CENPI: variants seen among roughly 807,000 people sequenced by gnomAD.
The protein encoded by CENPI is centromere protein I.
In CENPI, 4 loss-of-function variants were observed where a neutral mutation model predicts 60.4. That is an observed-to-expected ratio of 0.07 (90% CI 0.03 to 0.15). The LOEUF is 0.15. Among genes scored for constraint, CENPI ranks in the 10% least tolerant of loss-of-function variants. The pLI is 1.00. For synonymous variants in CENPI, 157 were observed against 189.4 expected, an observed-to-expected ratio of 0.83 and a Z score of 1.40; for missense variants, 444 against 534.5, an observed-to-expected ratio of 0.83 and a Z score of 1.67.
chrX:101,137,741 AAGG>A (rs1413863508), intron 15 of CENPI, among the ~76,000 whole-genome samples: 1 of 107,327 alleles, frequency 9.3e-6, no homozygotes, highest in Non-Finnish European at 1.9e-5. Context: ...CCAATATTTG[AAGG>A]ATTGTTACAT....
At chrX:101,139,548 C>T (rs1439838857) in intron 15 of CENPI, among the ~76,000 whole-genome samples, 1 of 112,282 alleles carries the variant, frequency 8.9e-6, no homozygotes, top group East Asian at 2.8e-4. Context: ...AGACTATTGT[C>T]TTAGATGATT....
chrX:101,115,198 A>G (rs765521705), intron 6 of CENPI, among the ~76,000 whole-genome samples: 2 of 110,582 alleles, frequency 1.8e-5, no homozygotes, highest in African/African-American at 6.6e-5. Context: ...CTCTGACCTC[A>G]GGTAATCCGC....
intron 20 of CENPI, among the ~76,000 whole-genome samples, chrX:101,159,019 C>T (rs897886456): frequency 4.5e-5 from 5 of 111,428 alleles, no homozygotes; most frequent in African/African-American, 1.6e-4. Context: ...GTGGCTACTG[C>T]TGAAGTCTAG....
At position 101,163,171 on chromosome X, in the gene CENPI, A is replaced by G. The variant is rs2090125564; in HGVS notation, c.*204A>G. 1 of 367,266 alleles carries G rather than the reference A, an allele frequency of 2.7e-6. No homozygotes were observed. Among genetic ancestry groups the G allele is most frequent in the Non-Finnish European group, 4.6e-6 (1 of 215,854 alleles). 30.3% of individuals were successfully genotyped at this position (367,266 alleles called of 1,213,427 possible). ...AAAATTTAGATTTTTTTAGCCTACC[A>G]GTGAAAAATGACCCCTTCATCATCA... On this transcript the variant is annotated 3_prime_UTR_variant, in exon 22 of 22. Coordinates refer to ENST00000682095, the MANE Select transcript of CENPI (RefSeq NM_001386188.2).
At chrX:101,143,400 G>T (rs1250094982) in intron 16 of CENPI, among the ~76,000 whole-genome samples, 3 of 111,768 alleles carry the variant, frequency 2.7e-5, no homozygotes, top group African/African-American at 9.7e-5. Flanking sequence ...TACTGTAAGA[G>T]ACTCCATTCA....
intron 20 of CENPI, among the ~76,000 whole-genome samples, chrX:101,152,243 T>G (rs1410041211): frequency 8.2e-5 from 9 of 109,149 alleles, no homozygotes; most frequent in Admixed American, 3.0e-4. Context: ...TTTTGTATTT[T>G]TAGTAGAGAC....
the CENPI span, among the ~76,000 whole-genome samples, chrX:101,180,865 T>G: frequency 9.0e-6 from 1 of 111,714 alleles, no homozygotes; most frequent in Non-Finnish European, 1.9e-5. Context: ...CTCTTGGGCT[T>G]AAGCAATCCT....
intron 8 of CENPI, 36 bp from the exon 9 acceptor site, chrX:101,126,673 C>A: frequency 9.4e-7 from 1 of 1,063,643 alleles, no homozygotes; most frequent in Non-Finnish European, 1.3e-6. Flanking sequence ...TCTTAATAGC[C>A]ACAGAATTGA....
At chrX:101,103,890 G>A (rs2089452606) in intron 4 of CENPI, among the ~76,000 whole-genome samples, 2 of 112,083 alleles carry the variant, frequency 1.8e-5, no homozygotes, top group South Asian at 7.3e-4. Flanking sequence ...ATCTTAAGAA[G>A]CATACGTAGT....
In CENPI at chrX:101,129,996, A is replaced by G. The variant is rs1445156139; in HGVS notation, c.1210A>G (p.Lys404Glu). 6 of 1,185,679 alleles carry G rather than the reference A, an allele frequency of 5.1e-6. No homozygotes were observed. The highest frequency in any genetic ancestry group is 1.8e-5 in the African/African-American group (1 of 56,874). ...QTLQEECIWY[K>E]VNNYEHGKEF... Reference sequence around the variant, plus strand: ...TTCTGCTCTAGAATGTATTTGGTACAAGGTGAATAATTATGAACATGGAAA... The same window carrying G: ...TTCTGCTCTAGAATGTATTTGGTACGAGGTGAATAATTATGAACATGGAAA... Residue 404 changes from lysine to glutamate, a missense_variant, in exon 13 of 22, where the codon AAG (lysine) becomes GAG (glutamate). Transcript: ENST00000682095.
intron 15 of CENPI, among the ~76,000 whole-genome samples, chrX:101,140,107 A>G (rs2089901083): frequency 8.9e-6 from 1 of 112,181 alleles, no homozygotes; most frequent in Admixed American, 9.4e-5. Flanking sequence ...AAGTGCTGGG[A>G]TTACAGGCGT....
intron 8 of CENPI, 38 bp downstream of exon 8, chrX:101,120,822 A>G: frequency 1.9e-6 from 2 of 1,074,543 alleles, no homozygotes; most frequent in South Asian, 2.0e-5. Context: ...CCAATGTACT[A>G]TGTGCCAGGT....
At chrX:101,151,841 GAA>G (rs1216298839) in intron 20 of CENPI, among the ~76,000 whole-genome samples, 3 of 60,346 alleles carry the variant, frequency 5.0e-5, no homozygotes, top group African/African-American at 5.8e-5. Flanking sequence ...CTCAAAAAAA[GAA>G]AAAAAAAAAA....
At chrX:101,180,573 C>T in the CENPI span, among the ~76,000 whole-genome samples, 1 of 111,905 alleles carries the variant, frequency 8.9e-6, no homozygotes, top group Non-Finnish European at 1.9e-5. Flanking sequence ...ATTCATAGTG[C>T]CCTTTAATGC....
chrX:101,138,684 G>A (rs144602637), intron 15 of CENPI, among the ~76,000 whole-genome samples: 2,338 of 108,262 alleles, frequency 0.022, 54 homozygotes, highest in African/African-American at 0.075. Flanking sequence ...GGTGTGCAGT[G>A]GTGCGATCTT....
intron 15 of CENPI, among the ~76,000 whole-genome samples, chrX:101,140,358 G>T (rs2089904127): frequency 8.9e-6 from 1 of 112,357 alleles, no homozygotes; most frequent in South Asian, 3.7e-4. Flanking sequence ...GGATGATAAA[G>T]ATGCTGTTTT....
At chrX:101,151,157 AG>A (rs2090003205) in intron 20 of CENPI, among the ~76,000 whole-genome samples, 1 of 111,974 alleles carries the variant, frequency 8.9e-6, no homozygotes, top group African/African-American at 3.2e-5. Context: ...CCTGAACTAT[AG>A]GAGGTTAGAC....
In CENPI at chrX:101,132,403, C is replaced by T; in HGVS notation, c.1417C>T (p.Leu473Phe). The T allele has an allele frequency of 8.3e-7, 1 of 1,209,889 alleles. No individual in the cohort carries two copies. Among genetic ancestry groups the T allele is most frequent in the Non-Finnish European group, 1.1e-6 (1 of 894,156 alleles). ...PFSSFSEVKP[L>F]LFDHLAQLFF... is the part of the protein sequence containing the mutation. ...TTTTTGATTCCTAGAGGTGAAACCA[C>T]TTCTTTTTGACCATCTAGCGCAGCT... Residue 473 changes from leucine to phenylalanine, a missense_variant, in exon 15 of 22, where the codon CTT (leucine) becomes TTT (phenylalanine). Leu to Phe is a conservative substitution (Grantham distance 22). Transcript: ENST00000682095.
chrX:101,144,241 C>G (rs758079178), intron 16 of CENPI, among the ~76,000 whole-genome samples: 13 of 107,999 alleles, frequency 1.2e-4, no homozygotes, highest in South Asian at 8.3e-4. Context: ...CACCATCACA[C>G]CTGGCTAATT....
Sources: gnomAD v4.1 joint callset for allele counts (sites outside exome capture counted in the v4.1 genomes callset) on GRCh38, gnomAD v4.1.1 for gene constraint, MANE v1.5 for transcripts, NCBI Gene and HGNC (gene_info 2026-07-23, HGNC 2026-07-21) for gene names.